Variants in LYPD1 observed in about 807,000 individuals in gnomAD.
LYPD1 encodes LY6/PLAUR domain containing 1.
Under a neutral mutation model 14.2 loss-of-function variants are expected in LYPD1, and 14 were observed. That is an observed-to-expected ratio of 0.99 (90% CI 0.65 to 1.54). The LOEUF (loss-of-function observed/expected upper bound fraction) is 1.54, where lower values mean the gene tolerates loss of function less well. LYPD1 is among the 40% of genes most tolerant of loss of function. The pLI is 0.00. For synonymous variants in LYPD1, 85 were observed against 70.6 expected (o/e 1.20, Z -1.02); for missense variants, 165 against 175.7 (o/e 0.94, Z 0.34).
intron 2 of LYPD1, among the ~76,000 whole-genome samples, chr2:132,661,941 G>GGA (rs199601021): frequency 1.1e-4 from 16 of 142,388 alleles, no homozygotes; most frequent in African/African-American, 2.8e-4. Flanking sequence ...CACCACAGCG[G>GGA]AAAAAAAAAA....
In LYPD1 at chr2:132,644,881, C is replaced by T. The variant is rs1195647476; in HGVS notation, c.*1164G>A. On this transcript the variant is annotated 3_prime_UTR_variant, in exon 3 of 3. Coordinates refer to ENST00000397463, the MANE Select transcript of LYPD1 (RefSeq NM_144586.7). ...CTGTCTAAAGCATTTAATGGTCTTTCTTTAACACAGCCAACTCCCCCGGGT... is the reference window on the plus strand; with the variant it reads ...CTGTCTAAAGCATTTAATGGTCTTTTTTTAACACAGCCAACTCCCCCGGGT... The T allele has an allele frequency of 1.7e-6, 1 of 580,244 alleles. No individual in the cohort carries two copies. Among genetic ancestry groups the T allele is most frequent in the Middle Eastern group, 4.5e-4 (1 of 2,204 alleles). The allele number at this position is 580,244 out of a possible 1,614,324, so 35.9% of individuals were successfully genotyped here. A position where few individuals can be genotyped will look rare whatever the true frequency, so the allele number is the denominator to read the frequency against.
chr2:132,660,752 T>A (rs1407409816), intron 2 of LYPD1, among the ~76,000 whole-genome samples: 1 of 152,160 alleles, frequency 6.6e-6, no homozygotes, highest in Non-Finnish European at 1.5e-5. Context: ...TAGAAAAAAT[T>A]AACAGAGAAG....
chr2:132,670,950 C>A (rs1236412570), upstream of LYPD1, among the ~76,000 whole-genome samples: 1 of 152,192 alleles, frequency 6.6e-6, no homozygotes, highest in African/African-American at 2.4e-5. The surrounding 1 kb of genome is among the most constrained non-coding windows in gnomAD (Gnocchi z 4.5). Context: ...GGACACCTGC[C>A]GTGAGGTCCT....
In LYPD1 at chr2:132,668,406, T is replaced by G; in HGVS notation, c.184A>C (p.Ser62Arg). 6.2e-7 allele frequency: 1 copy of G among 1,604,300 alleles called. No individual in the cohort carries two copies. The highest frequency in any genetic ancestry group is 8.5e-7 in the Non-Finnish European group (1 of 1,175,316). ...DMCQKEVMEQ[S>R]AGIMYRKSCA... ...AGGGCTGCCAGGCTCTTACCGGCAC[T>G]TTGCTCCATCACTTCTTTCTGACAC... Residue 62 changes from serine to arginine, a missense_variant, in exon 2 of 3, where the codon AGT (serine) becomes CGT (arginine). By Grantham distance (110) the Ser-to-Arg change is moderately radical. Coordinates refer to ENST00000397463, the MANE Select transcript of LYPD1 (RefSeq NM_144586.7).
At chr2:132,650,131 T>C (rs1682299442) in intron 2 of LYPD1, among the ~76,000 whole-genome samples, 1 of 152,050 alleles carries the variant, frequency 6.6e-6, no homozygotes, top group African/African-American at 2.4e-5. Context: ...CAGTAAGGAA[T>C]AAATAACTCA....
intron 2 of LYPD1, among the ~76,000 whole-genome samples, chr2:132,647,121 G>A (rs1419843050): frequency 2.0e-5 from 3 of 152,124 alleles, no homozygotes; most frequent in Non-Finnish European, 4.4e-5. Context: ...TTCCCTGTCT[G>A]TCTCCCAGGC....
In LYPD1 at chr2:132,650,599, T is replaced by G. The variant is rs946720198; in HGVS notation, c.191-4319A>C. 7.2e-5 allele frequency among the ~76,000 whole-genome samples: 11 copies of G among 152,096 alleles called. No individual in the cohort carries two copies. The East Asian group carries it at 2.1e-3, about 29-fold the overall frequency. On this transcript the variant is annotated intron_variant, in intron 2 of 2. Coordinates refer to ENST00000397463, the MANE Select transcript of LYPD1 (RefSeq NM_144586.7). Reference sequence around the variant, plus strand: ...GAAGTGGTAAATTTCCAGTGTCTTATCTGCACACTGCAATTCCACAAAGCC... The same window carrying G: ...GAAGTGGTAAATTTCCAGTGTCTTAGCTGCACACTGCAATTCCACAAAGCC...
chr2:132,653,760 C>T (rs1202442036), intron 2 of LYPD1, among the ~76,000 whole-genome samples: 2 of 152,228 alleles, frequency 1.3e-5, no homozygotes. Flanking sequence ...ACCAGTAAGA[C>T]ATTGACAGCA....
Position 132,644,876 on chromosome 2 carries a change from T to A in LYPD1, c.*1169A>T. 3 of 566,018 alleles carry A rather than the reference T, an allele frequency of 5.3e-6. No individual in the cohort carries two copies. The highest frequency in any genetic ancestry group is 9.3e-6 in the Non-Finnish European group (3 of 321,832). 35.1% of individuals were successfully genotyped at this position (566,018 alleles called of 1,614,324 possible). ...ATACACTGTCTAAAGCATTTAATGG[T>A]CTTTCTTTAACACAGCCAACTCCCC... On this transcript the variant is annotated 3_prime_UTR_variant, in exon 3 of 3. Transcript: ENST00000397463.
chr2:132,670,934 TC>T (rs1189436565), upstream of LYPD1, among the ~76,000 whole-genome samples: 2 of 152,014 alleles, frequency 1.3e-5, no homozygotes, highest in Non-Finnish European at 2.9e-5. This position sits in a 1 kb window ranked among gnomAD's most constrained non-coding sequence, Gnocchi z 4.5. Context: ...GAGAACGCCG[TC>T]CCGGGGACAC....
intron 2 of LYPD1, among the ~76,000 whole-genome samples, chr2:132,659,598 C>G (rs1026556883): frequency 2.0e-5 from 3 of 152,210 alleles, no homozygotes; most frequent in African/African-American, 4.8e-5. Context: ...TCCTGACTTG[C>G]TTTATCCCTC....
At chr2:132,661,911 C>T (rs766800411) in intron 2 of LYPD1, among the ~76,000 whole-genome samples, 49 of 141,568 alleles carry the variant, frequency 3.5e-4, no homozygotes, top group East Asian at 1.0e-3. Context: ...ACAAAAAAAG[C>T]GGGAAAACAT....
chr2:132,661,914 G>A (rs1682965780), intron 2 of LYPD1, among the ~76,000 whole-genome samples: 1 of 142,690 alleles, frequency 7.0e-6, no homozygotes, highest in Admixed American at 7.1e-5. Context: ...AAAAAAGCGG[G>A]AAAACATAGA....
intron 2 of LYPD1, among the ~76,000 whole-genome samples, chr2:132,661,199 C>A (rs1380676997): frequency 6.6e-6 from 1 of 152,142 alleles, no homozygotes; most frequent in Non-Finnish European, 1.5e-5. Context: ...ATAGCCCATC[C>A]ATGTGCCTGA....
chr2:132,654,013 G>C (rs1297759629), intron 2 of LYPD1, among the ~76,000 whole-genome samples: 6 of 152,140 alleles, frequency 3.9e-5, no homozygotes, highest in Admixed American at 2.6e-4. Flanking sequence ...GTGGGATCCT[G>C]GATAGGATCT....
chr2:132,652,416 C>T (rs1435609203), intron 2 of LYPD1, among the ~76,000 whole-genome samples: 2 of 152,066 alleles, frequency 1.3e-5, no homozygotes, highest in Non-Finnish European at 2.9e-5. Context: ...ACATTGGTGT[C>T]ACCTGGGTAA....
rs150955443 is a variant in LYPD1, at chr2:132,645,528, C to G, written c.*517G>C. The stretch of plus-strand genomic sequence containing the variant: ...AGTCTAAGTCCCAGTCATTGAGTCT[C>G]GAGTCACTAGAGCCCAACTCAGGCG... On this transcript the variant is annotated 3_prime_UTR_variant, in exon 3 of 3. Coordinates refer to ENST00000397463, the MANE Select transcript of LYPD1 (RefSeq NM_144586.7). The G allele has an allele frequency of 1.2e-6, 2 of 1,614,162 alleles. No individual in the cohort carries two copies. The highest frequency in any genetic ancestry group is 2.2e-5 in the East Asian group (1 of 44,862).
At position 132,646,028 on chromosome 2, in the gene LYPD1, T is replaced by C. The variant is rs948564895; in HGVS notation, c.*17A>G. 2 of 1,504,742 alleles carry C rather than the reference T, an allele frequency of 1.3e-6. No individual in the cohort carries two copies. Among genetic ancestry groups the C allele is most frequent in the Non-Finnish European group, 8.9e-7 (1 of 1,118,152 alleles). The allele number at this position is 1,504,742 out of a possible 1,614,324, so 93.2% of individuals were successfully genotyped here. A position where few individuals can be genotyped will look rare whatever the true frequency, so the allele number is the denominator to read the frequency against. On this transcript the variant is annotated 3_prime_UTR_variant, in exon 3 of 3. Transcript: ENST00000397463. ...GCTGGAAGAACAATGCAGGAGGGGGTGGCATCTCCTTCAGCTTCAGCAGTG... is the reference window on the plus strand; with the variant it reads ...GCTGGAAGAACAATGCAGGAGGGGGCGGCATCTCCTTCAGCTTCAGCAGTG...
intron 2 of LYPD1, among the ~76,000 whole-genome samples, chr2:132,657,454 A>G (rs1682667042): frequency 6.6e-6 from 1 of 152,190 alleles, no homozygotes; most frequent in Non-Finnish European, 1.5e-5. Flanking sequence ...CTCAAATGGT[A>G]AGATTAACAC....
Sources: gnomAD v4.1 joint callset for allele counts (sites outside exome capture counted in the v4.1 genomes callset) on GRCh38, gnomAD v4.1.1 for gene constraint, Gnocchi (gnomAD v3.1) non-coding constraint, MANE v1.5 for transcripts, NCBI Gene and HGNC (gene_info 2026-07-23, HGNC 2026-07-21) for gene names.